KIAA1958: variants seen among roughly 807,000 people sequenced by gnomAD.
KIAA1958 encodes the protein KIAA1958.
KIAA1958 carries 14 observed loss-of-function variants against 47.2 expected under a neutral mutation model. The observed-to-expected ratio is 0.30, with a 90% CI of 0.20 to 0.46. The LOEUF (loss-of-function observed/expected upper bound fraction) is 0.46. Ranked by LOEUF, KIAA1958 falls within the 20% of genes least tolerant of loss-of-function variation. The pLI is 1.00. For synonymous variants in KIAA1958, 354 were observed against 353.3 expected, an observed-to-expected ratio of 1.00 and a Z score of -0.02; for missense variants, 803 against 909.2, an observed-to-expected ratio of 0.88 and a Z score of 1.50.
chr9:112,495,340 A>G (rs1260556339), intron 1 of KIAA1958, among the ~76,000 whole-genome samples: 1 of 152,106 alleles, frequency 6.6e-6, no homozygotes, highest in African/African-American at 2.4e-5. Flanking sequence ...CTTTTGGAGA[A>G]GGTTTCTGTG....
chr9:112,566,385 G>T (rs893770666), intron 1 of KIAA1958, among the ~76,000 whole-genome samples: 5 of 152,018 alleles, frequency 3.3e-5, no homozygotes, highest in Non-Finnish European at 7.4e-5. Context: ...TGGTTAATAG[G>T]TTCTTTAGAG....
chr9:112,513,516 C>T (rs1372840195), intron 1 of KIAA1958, among the ~76,000 whole-genome samples: 2 of 89,296 alleles, frequency 2.2e-5, no homozygotes, highest in East Asian at 2.9e-4. Flanking sequence ...GGCTGCGCTG[C>T]GGCCCGGGGC....
intron 1 of KIAA1958, among the ~76,000 whole-genome samples, chr9:112,510,361 C>T (rs977448607): frequency 1.3e-5 from 2 of 152,096 alleles, no homozygotes; most frequent in African/African-American, 4.8e-5. Flanking sequence ...GCTTGAAAAG[C>T]GAAAGCAAAA....
At chr9:112,659,141 A>C in intron 3 of KIAA1958, 122 bp from the exon 4 acceptor site, 1 of 769,736 alleles carries the variant, frequency 1.3e-6, no homozygotes, top group African/African-American at 1.7e-5. Context: ...TGTTCTTTCC[A>C]TTGTGTCCTG....
intron 2 of KIAA1958, among the ~76,000 whole-genome samples, chr9:112,640,440 A>G (rs1418764485): frequency 6.6e-6 from 1 of 151,994 alleles, no homozygotes; most frequent in Non-Finnish European, 1.5e-5. Context: ...AAGATCAGCA[A>G]TTTCTGGAAG....
At chr9:112,498,322 A>T (rs1294149459) in intron 1 of KIAA1958, among the ~76,000 whole-genome samples, 1 of 152,188 alleles carries the variant, frequency 6.6e-6, no homozygotes, top group African/African-American at 2.4e-5. Context: ...CTACCAAAGG[A>T]ATCCTTTTCT....
intron 2 of KIAA1958, among the ~76,000 whole-genome samples, chr9:112,635,211 ATTT>A (rs1245992788): frequency 9.5e-6 from 1 of 105,010 alleles, no homozygotes; most frequent in Non-Finnish European, 1.9e-5. Context: ...GAGATTCTTT[ATTT>A]TGTGTGTGTG....
At chr9:112,536,644 G>A (rs915419581) in intron 1 of KIAA1958, among the ~76,000 whole-genome samples, 10 of 152,136 alleles carry the variant, frequency 6.6e-5, no homozygotes, top group African/African-American at 1.2e-4. Context: ...CTACTTGGGC[G>A]TGGTGGTGCA....
chr9:112,580,298 T>C (rs564093913), intron 2 of KIAA1958, among the ~76,000 whole-genome samples: 2 of 152,276 alleles, frequency 1.3e-5, no homozygotes, highest in African/African-American at 4.8e-5. Context: ...TAGTTTTTTT[T>C]ATGTGGGCAG....
intron 1 of KIAA1958, among the ~76,000 whole-genome samples, chr9:112,487,974 T>TGTGTGTG (rs71382438): frequency 2.7e-5 from 4 of 150,016 alleles, no homozygotes; most frequent in South Asian, 2.1e-4. Flanking sequence ...TGTGTGTGTG[T>TGTGTGTG]TTTGAAGTTT....
Position 112,635,213 on chromosome 9 carries a change from T to TG in KIAA1958, c.1172-10437_1172-10436insG, listed in dbSNP as rs1445485849. ...GAAGTTTTATTTTGAGATTCTTTAT[T>TG]TTGTGTGTGTGTGTGTGTGTGTGTG... On this transcript the variant is annotated intron_variant, in intron 2 of 3. Coordinates refer to ENST00000337530, the MANE Select transcript of KIAA1958 (RefSeq NM_133465.4). Among the ~76,000 whole-genome samples the TG allele has an allele frequency of 2.1e-4, 28 of 131,988 alleles. 1 individual carries two copies. Among genetic ancestry groups the TG allele is most frequent in the African/African-American group, 5.6e-4 (20 of 36,036 alleles). 86.6% of individuals were successfully genotyped at this position (131,988 alleles called of 152,430 possible).
rs572845516 is a variant in KIAA1958 at position 112,664,353 on chromosome 9, A to G, written c.*4284A>G. On this transcript the variant is annotated 3_prime_UTR_variant, in exon 4 of 4. Transcript: ENST00000337530. ...CTTAAATAAAGTAACCGAATGCTAA[A>G]TATTATCCTTATCAAACATCCATCA... is the stretch of plus-strand genomic sequence containing the variant. 1.1e-4 allele frequency: 17 copies of G among 152,372 alleles called. No homozygotes were observed. The highest frequency in any genetic ancestry group is 2.6e-4 in the Admixed American group (4 of 15,302). 9.4% of individuals were successfully genotyped at this position (152,372 alleles called of 1,614,324 possible).
chr9:112,547,250 T>C (rs34738671), intron 1 of KIAA1958, among the ~76,000 whole-genome samples: 144,582 of 151,528 alleles, frequency 0.95, 69,050 homozygotes, highest in African/African-American at 0.99. Flanking sequence ...GTGGGGTGCG[T>C]GCCTGTGGTC....
chr9:112,601,782 A>T (rs1836137679), intron 2 of KIAA1958, among the ~76,000 whole-genome samples: 1 of 152,174 alleles, frequency 6.6e-6, no homozygotes, highest in African/African-American at 2.4e-5. Flanking sequence ...TTAAGGAGAA[A>T]ATTCCTCAGA....
At chr9:112,595,743 A>G (rs1836014250) in intron 2 of KIAA1958, among the ~76,000 whole-genome samples, 1 of 152,018 alleles carries the variant, frequency 6.6e-6, no homozygotes. Flanking sequence ...TAGCACTTAT[A>G]CATAGTGTAA....
At chr9:112,538,915 T>C (rs1834896998) in intron 1 of KIAA1958, among the ~76,000 whole-genome samples, 1 of 152,180 alleles carries the variant, frequency 6.6e-6, no homozygotes, top group South Asian at 2.1e-4. Flanking sequence ...CCAGTGAAGA[T>C]ATGCAAATGG....
rs1834243296 is a variant in KIAA1958, at chr9:112,506,814, G to T, written c.-25+19696G>T. Among the ~76,000 whole-genome samples, 8 of 152,126 alleles carry T rather than the reference G, an allele frequency of 5.3e-5. No homozygotes were observed. The South Asian group carries it at 1.7e-3, about 32-fold the overall frequency. On this transcript the variant is annotated intron_variant, in intron 1 of 3. Transcript: ENST00000337530. ...TTTGCCTTTTTTTGCCGGATCATGG[G>T]TTGTGATTTAGGGTTTCTGTGGGCA...
chr9:112,553,746 TCA>T (rs1466629965), intron 1 of KIAA1958, among the ~76,000 whole-genome samples: 1 of 152,216 alleles, frequency 6.6e-6, no homozygotes, highest in Non-Finnish European at 1.5e-5. Flanking sequence ...ACGTCACTTA[TCA>T]CACAGTGTTG....
At chr9:112,599,802 G>A (rs1164102378) in intron 2 of KIAA1958, among the ~76,000 whole-genome samples, 1 of 152,194 alleles carries the variant, frequency 6.6e-6, no homozygotes, top group East Asian at 1.9e-4. Context: ...AGCTCACTAT[G>A]TATTTTATGT....
Sources: allele counts gnomAD v4.1 joint callset (sites outside exome capture counted in the v4.1 genomes callset), GRCh38; gene constraint gnomAD v4.1.1; transcripts MANE v1.5; gene names NCBI Gene and HGNC (gene_info 2026-07-23, HGNC 2026-07-21).